The following PRKN variants were observed in gnomAD, a reference collection of about 807,000 sequenced individuals.
PRKN encodes parkin RBR E3 ubiquitin protein ligase.
A neutral mutation model predicts 59.5 loss-of-function variants in PRKN; 56 were observed. The observed-to-expected ratio is 0.94, with a 90% CI of 0.76 to 1.18. The LOEUF (loss-of-function observed/expected upper bound fraction) is 1.18. PRKN is among the 50% of genes most tolerant of loss of function. PRKN has a pLI of 0.00. For synonymous variants in PRKN, 250 were observed against 222.1 expected, an observed-to-expected ratio of 1.13 and a Z score of -1.12; for missense variants, 657 against 596.4, an observed-to-expected ratio of 1.10 and a Z score of -1.06.
chr6:162,188,777 C>G (rs930122822), intron 4 of PRKN, among the ~76,000 whole-genome samples: 4 of 105,466 alleles, frequency 3.8e-5, no homozygotes, highest in African/African-American at 1.0e-4. Context: ...CCTTAGATTT[C>G]GTTTTTTTTT....
At chr6:161,987,468 G>A (rs1186589254) in intron 5 of PRKN, among the ~76,000 whole-genome samples, 1 of 152,212 alleles carries the variant, frequency 6.6e-6, no homozygotes, top group East Asian at 1.9e-4. Context: ...ATCTGCAGAT[G>A]CTCAAGTCCC....
At chr6:161,921,192 T>C (rs1778773422) in intron 6 of PRKN, among the ~76,000 whole-genome samples, 1 of 152,158 alleles carries the variant, frequency 6.6e-6, no homozygotes. Context: ...ACTAAGACAC[T>C]GACACACACA....
chr6:162,622,451 T>C (rs766662272), intron 1 of PRKN, among the ~76,000 whole-genome samples: 4 of 152,144 alleles, frequency 2.6e-5, no homozygotes, highest in Non-Finnish European at 4.4e-5. Flanking sequence ...TTCAAAGTGC[T>C]AGGATTATAG....
At chr6:162,110,873 T>C (rs1384489626) in intron 4 of PRKN, among the ~76,000 whole-genome samples, 1 of 152,088 alleles carries the variant, frequency 6.6e-6, no homozygotes, top group Non-Finnish European at 1.5e-5. Context: ...CACCTGAACA[T>C]ACCATGAGGA....
At chr6:162,370,296 G>C (rs568479043) in intron 2 of PRKN, among the ~76,000 whole-genome samples, 3 of 152,076 alleles carry the variant, frequency 2.0e-5, no homozygotes, top group East Asian at 3.9e-4. Flanking sequence ...ATATCTCATT[G>C]ACCCTTTCGA....
At chr6:161,860,622 T>A (rs1227350772) in intron 6 of PRKN, among the ~76,000 whole-genome samples, 1 of 152,152 alleles carries the variant, frequency 6.6e-6, no homozygotes, top group African/African-American at 2.4e-5. Flanking sequence ...TTGTTGAAGT[T>A]CCTTGTAGAT....
intron 2 of PRKN, among the ~76,000 whole-genome samples, chr6:162,411,576 T>C (rs1324335580): frequency 6.6e-6 from 1 of 152,230 alleles, no homozygotes; most frequent in Non-Finnish European, 1.5e-5. Context: ...CCATTTTAAA[T>C]ATCACTGTCA....
chr6:162,462,492 G>T (rs1487532864), intron 1 of PRKN, among the ~76,000 whole-genome samples: 2 of 152,110 alleles, frequency 1.3e-5, no homozygotes, highest in African/African-American at 2.4e-5. Flanking sequence ...AGGTGTGTGT[G>T]TATGTGTATG....
intron 1 of PRKN, among the ~76,000 whole-genome samples, chr6:162,595,993 C>T (rs1781482459): frequency 6.6e-6 from 1 of 151,872 alleles, no homozygotes; most frequent in Non-Finnish European, 1.5e-5. Flanking sequence ...GCTGTAGAAA[C>T]TCAGATACAT....
At chr6:162,280,510 G>T (rs1426990345) in intron 2 of PRKN, among the ~76,000 whole-genome samples, 1 of 152,000 alleles carries the variant, frequency 6.6e-6, no homozygotes, top group African/African-American at 2.4e-5. Context: ...AAGCTAAAAG[G>T]CCAGGCATGG....
At chr6:161,671,418 C>T (rs1020328752) in intron 7 of PRKN, among the ~76,000 whole-genome samples, 5 of 152,232 alleles carry the variant, frequency 3.3e-5, no homozygotes, top group African/African-American at 7.2e-5. Flanking sequence ...GGTACACATC[C>T]GCGGCATGGA....
At chr6:162,214,430 T>C (rs1777547565) in intron 3 of PRKN, among the ~76,000 whole-genome samples, 1 of 152,182 alleles carries the variant, frequency 6.6e-6, no homozygotes, top group South Asian at 2.1e-4. Flanking sequence ...ACTGGTTACC[T>C]GTGGCTCTGA....
chr6:162,594,971 A>G (rs181966671), intron 1 of PRKN, among the ~76,000 whole-genome samples: 249 of 152,120 alleles, frequency 1.6e-3, no homozygotes, highest in East Asian at 0.01. Context: ...TCAGGAGATC[A>G]AGACCATCCT....
At chr6:162,581,881 T>C (rs934892080) in intron 1 of PRKN, among the ~76,000 whole-genome samples, 5 of 152,208 alleles carry the variant, frequency 3.3e-5, no homozygotes, top group Non-Finnish European at 7.3e-5. Flanking sequence ...GGAATATAGT[T>C]ATGAGAAGGC....
chr6:161,454,243 C>T lies in PRKN; in HGVS notation c.1084-67366G>A, dbSNP rs1454417286. Among the ~76,000 whole-genome samples, 1 of 152,120 alleles carries T rather than the reference C, an allele frequency of 6.6e-6. No individual in the cohort carries two copies. Among genetic ancestry groups the T allele is most frequent in the Non-Finnish European group, 1.5e-5 (1 of 68,030 alleles). The stretch of plus-strand genomic sequence containing the variant: ...TAGGTCGGGGTGGCATTAGCACTGA[C>T]GGCACATAGCCTGTGTCTTTTGAGC... On this transcript the variant is annotated intron_variant, in intron 9 of 11. Coordinates refer to ENST00000366898, the MANE Select transcript of PRKN (RefSeq NM_004562.3). This position sits in a 1 kb window ranked among gnomAD's most constrained non-coding sequence, Gnocchi z 4.6.
chr6:162,257,312 T>C (rs1043581646), intron 3 of PRKN, among the ~76,000 whole-genome samples: 6 of 152,100 alleles, frequency 3.9e-5, no homozygotes, highest in South Asian at 2.1e-4. Flanking sequence ...CTTTTTTTTT[T>C]CTCAAAAGCA....
At chr6:161,590,780 AAC>A (rs1781691978) in intron 7 of PRKN, among the ~76,000 whole-genome samples, 1 of 152,104 alleles carries the variant, frequency 6.6e-6, no homozygotes, top group Admixed American at 6.5e-5. Context: ...AACAGGAGGA[AAC>A]ATTAGACAAA....
intron 7 of PRKN, among the ~76,000 whole-genome samples, chr6:161,623,201 A>G (rs1360746079): frequency 6.6e-6 from 1 of 152,212 alleles, no homozygotes; most frequent in Non-Finnish European, 1.5e-5. Context: ...TTAACCACAG[A>G]AGTCTGAGAT....
rs996735685 is a variant in PRKN, at chr6:161,395,606, G to A, written c.1084-8729C>T. 2.6e-5 allele frequency among the ~76,000 whole-genome samples: 4 copies of A among 152,274 alleles called. No individual in the cohort carries two copies. The East Asian group carries it at 5.8e-4, about 22-fold the overall frequency. On this transcript the variant is annotated intron_variant, in intron 9 of 11. Transcript: ENST00000366898. The surrounding 1 kb of genome is among the most constrained non-coding windows in gnomAD (Gnocchi z 5.0). ...TGGGTGGAAGCTGCTTCCCCAACACGCTGTGGTCTCAACCACCGCCTTTGT... is the reference window on the plus strand; with the variant it reads ...TGGGTGGAAGCTGCTTCCCCAACACACTGTGGTCTCAACCACCGCCTTTGT...
Sources: allele counts gnomAD v4.1 joint callset (sites outside exome capture counted in the v4.1 genomes callset), GRCh38; gene constraint gnomAD v4.1.1; non-coding constraint Gnocchi (gnomAD v3.1); transcripts MANE v1.5; gene names NCBI Gene and HGNC (gene_info 2026-07-23, HGNC 2026-07-21).